Variants in IL1RAPL2 observed in about 807,000 individuals in gnomAD.
IL1RAPL2 encodes interleukin 1 receptor accessory protein like 2.
In IL1RAPL2, 3 loss-of-function variants were observed where a neutral mutation model predicts 44.1. The observed-to-expected ratio is 0.07, with a 90% confidence interval of 0.03 to 0.18. IL1RAPL2 has a LOEUF of 0.18. Ranked by LOEUF, IL1RAPL2 falls within the 10% of genes least tolerant of loss-of-function variation. The pLI, the probability that IL1RAPL2 is intolerant of heterozygous loss-of-function variation, is 1.00. For synonymous variants in IL1RAPL2, 181 were observed against 178.8 expected, an observed-to-expected ratio of 1.01 and a Z score of -0.10; for missense variants, 391 against 496.4, an observed-to-expected ratio of 0.79 and a Z score of 2.02.
intron 2 of IL1RAPL2, among the ~76,000 whole-genome samples, chrX:104,834,310 T>G (rs1209845082): frequency 1.8e-5 from 2 of 112,255 alleles, no homozygotes; most frequent in African/African-American, 3.2e-5. Context: ...CCCATGTTAC[T>G]CAGTCCCTTT....
intron 10 of IL1RAPL2, among the ~76,000 whole-genome samples, chrX:105,757,140 TTCCTCTACTCATAC>T (rs1280214848): frequency 3.6e-5 from 4 of 111,853 alleles, no homozygotes; most frequent in Non-Finnish European, 7.5e-5. Flanking sequence ...CTCCTACCAC[TTCCTCTACTCATAC>T]TTTCCACTCT....
chrX:104,849,652 T>G (rs955660745), intron 2 of IL1RAPL2, among the ~76,000 whole-genome samples: 5 of 110,107 alleles, frequency 4.5e-5, no homozygotes, highest in African/African-American at 1.3e-4. Context: ...GATTTATAGT[T>G]TTATTACCTC....
chrX:105,042,116 TA>T (rs1386298823), intron 2 of IL1RAPL2, among the ~76,000 whole-genome samples: 2 of 111,182 alleles, frequency 1.8e-5, no homozygotes, highest in African/African-American at 6.6e-5. Flanking sequence ...CCTAAAACCA[TA>T]AAAACCCTAG....
At chrX:105,648,368 A>G (rs1039966000) in intron 6 of IL1RAPL2, among the ~76,000 whole-genome samples, 7 of 111,775 alleles carry the variant, frequency 6.3e-5, no homozygotes, top group Non-Finnish European at 1.3e-4. Context: ...ACTTGCTAGG[A>G]ATATGTCCAG....
At chrX:105,161,218 AAATAATAATAAT>A (rs34426902) in intron 2 of IL1RAPL2, among the ~76,000 whole-genome samples, 1 of 101,032 alleles carries the variant, frequency 9.9e-6, no homozygotes, top group Admixed American at 1.1e-4. Flanking sequence ...ACCCTGTCTC[AAATAATAATAAT>A]AATAATAATA....
intron 2 of IL1RAPL2, among the ~76,000 whole-genome samples, chrX:105,037,610 T>A (rs1236703577): frequency 2.7e-5 from 3 of 111,772 alleles, no homozygotes; most frequent in African/African-American, 9.7e-5. Flanking sequence ...CATGCTCTGC[T>A]TCCCCTCCTA....
chrX:105,622,284 T>TAAG (rs2037424581), intron 6 of IL1RAPL2, among the ~76,000 whole-genome samples: 1 of 104,858 alleles, frequency 9.5e-6, no homozygotes, highest in South Asian at 4.1e-4. Context: ...ATAAAAATAA[T>TAAG]AATAATAATA....
intron 2 of IL1RAPL2, among the ~76,000 whole-genome samples, chrX:104,992,548 G>A (rs1004462058): frequency 3.6e-5 from 4 of 111,002 alleles, no homozygotes; most frequent in Admixed American, 9.6e-5. Context: ...AGATGCAGGG[G>A]CAGTATTTCT....
intron 2 of IL1RAPL2, among the ~76,000 whole-genome samples, chrX:105,116,024 G>A (rs749479253): frequency 3.5e-5 from 4 of 113,173 alleles, no homozygotes; most frequent in East Asian, 2.8e-4. Flanking sequence ...CTGAGCCCAC[G>A]CCCACCCAGA....
At chrX:104,686,699 A>G (rs1930994323) in intron 2 of IL1RAPL2, among the ~76,000 whole-genome samples, 1 of 111,958 alleles carries the variant, frequency 8.9e-6, no homozygotes, top group South Asian at 3.7e-4. Flanking sequence ...TTCTCTATTC[A>G]TCTTGAGAAT....
At chrX:105,391,068 G>T (rs1050063113) in intron 5 of IL1RAPL2, among the ~76,000 whole-genome samples, 5 of 111,548 alleles carry the variant, frequency 4.5e-5, no homozygotes, top group African/African-American at 1.6e-4. Flanking sequence ...GGTAAGGCAA[G>T]GTAGTTGTTT....
chrX:105,618,220 G>A (rs2037392503), intron 6 of IL1RAPL2, among the ~76,000 whole-genome samples: 1 of 109,021 alleles, frequency 9.2e-6, no homozygotes, highest in Non-Finnish European at 1.9e-5. Flanking sequence ...TGAGTCTTCA[G>A]TTCTCATCAT....
chrX:105,150,543 G>A (rs2033217883), intron 2 of IL1RAPL2, among the ~76,000 whole-genome samples: 1 of 112,020 alleles, frequency 8.9e-6, no homozygotes, highest in Admixed American at 9.5e-5. Context: ...AGCTGTCTCA[G>A]TAGAAAGGAG....
At chrX:104,710,958 C>A (rs1231417462) in intron 2 of IL1RAPL2, among the ~76,000 whole-genome samples, 1 of 111,247 alleles carries the variant, frequency 9.0e-6, no homozygotes, top group Non-Finnish European at 1.9e-5. Flanking sequence ...TTAGAGTGTG[C>A]TCCTTCTACC....
rs980303259 is a variant in IL1RAPL2 at position 105,115,113 on chromosome X, G to T, written c.83-80362G>T. Among the ~76,000 whole-genome samples the T allele has an allele frequency of 2.9e-4, 32 of 111,058 alleles. 1 individual carries two copies. The highest frequency in any genetic ancestry group is 4.7e-3 in the Middle Eastern group (1 of 213). ...GGTGAGTGTTACAGTTCTTAAAGGT[G>T]GTGTGTCTGGGGTTTGTTCCTTCTG... On this transcript the variant is annotated intron_variant, in intron 2 of 10. Coordinates refer to ENST00000372582, the MANE Select transcript of IL1RAPL2 (RefSeq NM_017416.2).
At chrX:105,720,034 T>C (rs73636261) in intron 7 of IL1RAPL2, among the ~76,000 whole-genome samples, 15,211 of 110,868 alleles carry the variant, frequency 0.14, 880 homozygotes, top group South Asian at 0.25. Context: ...AAGAAACTGG[T>C]CCCAAAATGG....
intron 2 of IL1RAPL2, among the ~76,000 whole-genome samples, chrX:104,815,965 G>T (rs972403857): frequency 9.1e-6 from 1 of 109,419 alleles, no homozygotes; most frequent in African/African-American, 3.3e-5. Flanking sequence ...CAAAAATTCT[G>T]TTTAGGAAGA....
chrX:105,657,149 G>A (rs113360745), intron 6 of IL1RAPL2, among the ~76,000 whole-genome samples: 4 of 111,742 alleles, frequency 3.6e-5, no homozygotes, highest in Non-Finnish European at 7.5e-5. Context: ...TTCCTGAAAA[G>A]AGCATGAAGA....
chrX:105,541,225 TA>T (rs1438061547), intron 6 of IL1RAPL2, among the ~76,000 whole-genome samples: 2 of 110,390 alleles, frequency 1.8e-5, no homozygotes, highest in East Asian at 5.7e-4. Context: ...AAAGCTGAAG[TA>T]TTTACCATGT....
Sources: allele counts gnomAD v4.1 joint callset (sites outside exome capture counted in the v4.1 genomes callset), GRCh38; gene constraint gnomAD v4.1.1; transcripts MANE v1.5; gene names NCBI Gene and HGNC (gene_info 2026-07-23, HGNC 2026-07-21).